The following UBXN7 variants were observed in gnomAD, a reference collection of about 807,000 sequenced individuals.
UBXN7 encodes the protein UBX domain protein 7, also known as UBX domain-containing protein 7.
Under a neutral mutation model 58.0 loss-of-function variants are expected in UBXN7, and 9 were observed. The observed-to-expected ratio is 0.16, with a 90% confidence interval of 0.09 to 0.27. The LOEUF (loss-of-function observed/expected upper bound fraction) is 0.27, where lower values mean the gene tolerates loss of function less well. Among genes scored for constraint, UBXN7 ranks in the 10% least tolerant of loss-of-function variants. The probability of loss-of-function intolerance (pLI) is 1.00; values close to 1 mark genes in which losing one functional copy is unlikely to be tolerated. For missense variants in UBXN7, 328 were observed against 599.6 expected, an observed-to-expected ratio of 0.55 and a Z score of 4.73; for synonymous variants, 208 against 205.0, an observed-to-expected ratio of 1.01 and a Z score of -0.12.
chr3:196,365,485 A>G (rs1728638862), intron 8 of UBXN7, among the ~76,000 whole-genome samples: 1 of 152,134 alleles, frequency 6.6e-6, no homozygotes. Flanking sequence ...TGATCATAGC[A>G]CACTACATTC....
rs1446585353 is a variant in UBXN7 at position 196,353,499 on chromosome 3, T to TTA, written c.*3185_*3186insTA. 6.6e-6 allele frequency: 1 copy of TTA among 151,544 alleles called. No homozygotes were observed. Among genetic ancestry groups the TTA allele is most frequent in the East Asian group, 1.9e-4 (1 of 5,160 alleles). 9.4% of individuals were successfully genotyped at this position (151,544 alleles called of 1,614,324 possible). On this transcript the variant is annotated 3_prime_UTR_variant, in exon 11 of 11. Transcript: ENST00000296328. ...TCTTCTTCTTCTTCTTTTTTTTTTT[T>TTA]AAATTTGAGATGGAGTGTCGCTTTG...
intron 3 of UBXN7, among the ~76,000 whole-genome samples, chr3:196,401,298 T>TATATATACAC (rs1269101481): frequency 1.6e-5 from 1 of 61,686 alleles, no homozygotes; most frequent in African/African-American, 8.6e-5. Flanking sequence ...TATATATATA[T>TATATATACAC]ACACACACAC....
In UBXN7 at chr3:196,350,797, G is replaced by C. The variant is rs2108821226; in HGVS notation, c.*5888C>G. ...GGTATTCTCTGTTGGGTTATCTGCAGTTCTAAAGAACATTCTTGCCACTAT... is the reference window on the plus strand; with the variant it reads ...GGTATTCTCTGTTGGGTTATCTGCACTTCTAAAGAACATTCTTGCCACTAT... On this transcript the variant is annotated 3_prime_UTR_variant, in exon 11 of 11. Coordinates refer to ENST00000296328, the MANE Select transcript of UBXN7 (RefSeq NM_015562.2). 6.6e-6 allele frequency: 1 copy of C among 152,328 alleles called. No individual in the cohort carries two copies. Among genetic ancestry groups the C allele is most frequent in the Middle Eastern group, 3.4e-3 (1 of 294 alleles). 9.4% of individuals were successfully genotyped at this position (152,328 alleles called of 1,614,324 possible). A position where few individuals can be genotyped will look rare whatever the true frequency, so the allele number is the denominator to read the frequency against.
chr3:196,426,158 T>C (rs1577482561), intron 1 of UBXN7, among the ~76,000 whole-genome samples: 1 of 151,590 alleles, frequency 6.6e-6, no homozygotes, highest in Non-Finnish European at 1.5e-5. Flanking sequence ...CTGAGGTGGG[T>C]GGATCACCTG....
chr3:196,401,298 T>TATATATATATATAC (rs1269101481), intron 3 of UBXN7, among the ~76,000 whole-genome samples: 33 of 61,680 alleles, frequency 5.4e-4, no homozygotes, highest in Non-Finnish European at 7.1e-4. Context: ...TATATATATA[T>TATATATATATATAC]ACACACACAC....
At chr3:196,424,953 C>T (rs940814340) in intron 1 of UBXN7, among the ~76,000 whole-genome samples, 4 of 151,722 alleles carry the variant, frequency 2.6e-5, no homozygotes, top group African/African-American at 9.7e-5. Context: ...CCACTCGCCT[C>T]GGCCTCCCAA....
chr3:196,422,745 T>C (rs1371748441), intron 1 of UBXN7, among the ~76,000 whole-genome samples: 1 of 152,166 alleles, frequency 6.6e-6, no homozygotes, highest in Non-Finnish European at 1.5e-5. Flanking sequence ...ATAACTATTA[T>C]TATATGATCC....
chr3:196,408,088 A>C (rs1219390245), intron 1 of UBXN7, among the ~76,000 whole-genome samples: 2 of 125,404 alleles, frequency 1.6e-5, no homozygotes. Flanking sequence ...ACAGAGCGAG[A>C]CTCTGTCTCA....
chr3:196,363,921 C>CA (rs397975657), intron 8 of UBXN7, among the ~76,000 whole-genome samples: 2,492 of 113,102 alleles, frequency 0.022, 39 homozygotes, highest in African/African-American at 0.063. Context: ...GACTCCATCT[C>CA]AAAAAAAAAA....
At chr3:196,399,651 G>T (rs558074583) in intron 3 of UBXN7, among the ~76,000 whole-genome samples, 56 of 152,216 alleles carry the variant, frequency 3.7e-4, no homozygotes, top group Middle Eastern at 3.4e-3. Flanking sequence ...TGTTGTCTGG[G>T]CTACTCTCCA....
At chr3:196,387,135 A>AC (rs1400334709) in intron 5 of UBXN7, among the ~76,000 whole-genome samples, 3 of 152,186 alleles carry the variant, frequency 2.0e-5, no homozygotes, top group African/African-American at 7.2e-5. Context: ...ATAACACCAC[A>AC]CATCTACAAC....
chr3:196,384,886 G>A (rs1729325213), intron 5 of UBXN7, among the ~76,000 whole-genome samples: 2 of 151,846 alleles, frequency 1.3e-5, no homozygotes, highest in South Asian at 2.1e-4. Context: ...TTTGAAAACC[G>A]GCACAAGACA....
At chr3:196,377,409 T>G (rs1388909546) in intron 5 of UBXN7, among the ~76,000 whole-genome samples, 1 of 152,180 alleles carries the variant, frequency 6.6e-6, no homozygotes, top group African/African-American at 2.4e-5. Flanking sequence ...TCTATTCATA[T>G]CTCATCCTTT....
chr3:196,427,066 GCCTCCA>G (rs1280115820), intron 1 of UBXN7, among the ~76,000 whole-genome samples: 1 of 151,998 alleles, frequency 6.6e-6, no homozygotes, highest in Non-Finnish European at 1.5e-5. Flanking sequence ...ACTCTTCTTA[GCCTCCA>G]CTTTCTATGC....
At chr3:196,387,468 T>C (rs189523897) in intron 5 of UBXN7, among the ~76,000 whole-genome samples, 5 of 152,198 alleles carry the variant, frequency 3.3e-5, no homozygotes, top group Admixed American at 2.0e-4. Context: ...AGCTTCTGCA[T>C]GGCAAAAGAA....
chr3:196,417,039 C>T (rs1426189483), intron 1 of UBXN7, among the ~76,000 whole-genome samples: 6 of 152,130 alleles, frequency 3.9e-5, no homozygotes, highest in Non-Finnish European at 7.4e-5. Context: ...TACACACAGG[C>T]GCGGCGGCTC....
In UBXN7 at chr3:196,392,319, T is replaced by C. The variant is rs560185183; in HGVS notation, c.356-394A>G. ...GAGTTTGAGATCAGCCTGGCCAAGA[T>C]GGTGAAACCCCGTTTCAACTAAAAA... On this transcript the variant is annotated intron_variant, in intron 4 of 10. Transcript: ENST00000296328. 1.1e-3 allele frequency among the ~76,000 whole-genome samples: 161 copies of C among 150,528 alleles called. 2 individuals are homozygous for C. In the Middle Eastern group the frequency reaches 0.034, roughly 32 times the overall value.
rs1728282078 is a variant in UBXN7 at position 196,354,087 on chromosome 3, T to G, written c.*2598A>C. The G allele has an allele frequency of 6.6e-6, 1 of 152,180 alleles. No homozygotes were observed. The highest frequency in any genetic ancestry group is 6.5e-5 in the Admixed American group (1 of 15,272). The allele number at this position is 152,180 out of a possible 1,614,324, so 9.4% of individuals were successfully genotyped here. ...ATACTCCTTATGGATTCTTCCCATG[T>G]ACAATCCGTAACTCTTCCCATGGGC... On this transcript the variant is annotated 3_prime_UTR_variant, in exon 11 of 11. Transcript: ENST00000296328.
chr3:196,380,393 G>A (rs548956195), intron 5 of UBXN7, among the ~76,000 whole-genome samples: 1 of 152,180 alleles, frequency 6.6e-6, no homozygotes, highest in Non-Finnish European at 1.5e-5. Context: ...AAGACCTAGG[G>A]GATGGCAGAA....
Sources: gnomAD v4.1 joint callset for allele counts (sites outside exome capture counted in the v4.1 genomes callset) on GRCh38, gnomAD v4.1.1 for gene constraint, MANE v1.5 for transcripts, NCBI Gene and HGNC (gene_info 2026-07-23, HGNC 2026-07-21) for gene names.